The following RMDN2 variants were observed in gnomAD, a reference collection of about 807,000 sequenced individuals.
RMDN2 encodes regulator of microtubule dynamics protein 2.
Under a neutral mutation model 52.8 loss-of-function variants are expected in RMDN2, and 61 were observed. The ratio of observed to expected loss-of-function variants is 1.16; its 90% CI spans 0.94 to 1.43. The LOEUF (loss-of-function observed/expected upper bound fraction) is 1.43. Ranked by LOEUF, RMDN2 falls within the 40% of genes most tolerant of loss-of-function variation. RMDN2 has a pLI of 0.00. For synonymous variants in RMDN2, 180 were observed against 153.1 expected (o/e 1.18, Z -1.30); for missense variants, 592 against 475.3 (o/e 1.25, Z -2.28).
chr2:38,029,954 G>A (rs936456526), intron 10 of RMDN2: 10 of 152,270 alleles, frequency 6.6e-5, no homozygotes, highest in East Asian at 1.9e-4. Flanking sequence ...AGAGCCAAGC[G>A]AAAGGGGTTT....
At chr2:37,924,681 G>A (rs866692030), upstream of RMDN2, among the ~76,000 whole-genome samples, 2 of 152,190 alleles carry the variant, frequency 1.3e-5, no homozygotes, top group South Asian at 4.1e-4. Context: ...TTTTAAGAGC[G>A]TATTTAGCAG....
intron 5 of RMDN2, among the ~76,000 whole-genome samples, chr2:37,982,692 C>T (rs1327803715): frequency 6.6e-6 from 1 of 152,128 alleles, no homozygotes; most frequent in East Asian, 1.9e-4. Flanking sequence ...CTCGGTGCCT[C>T]TGCCAAAATT....
rs147468814 is a variant in RMDN2, at chr2:37,953,586, A to G, written c.453-20454A>G. On this transcript the variant is annotated intron_variant, in intron 2 of 10. Coordinates refer to ENST00000354545, the MANE Select transcript of RMDN2 (RefSeq NM_001170791.3). Reference sequence around the variant, plus strand: ...ATATATCACATTTTGCATATCCTTTATCCACCAGTGGACAATTTGGGTCAC... The same window carrying G: ...ATATATCACATTTTGCATATCCTTTGTCCACCAGTGGACAATTTGGGTCAC... Among the ~76,000 whole-genome samples, 404 of 152,104 alleles carry G rather than the reference A, an allele frequency of 2.7e-3. 2 individuals are homozygous for G. Among genetic ancestry groups the G allele is most frequent in the Middle Eastern group, 0.01 (3 of 294 alleles).
intron 2 of RMDN2, among the ~76,000 whole-genome samples, chr2:37,957,905 C>G (rs1669687833): frequency 6.6e-6 from 1 of 152,130 alleles, no homozygotes; most frequent in African/African-American, 2.4e-5. Flanking sequence ...AATAGGGAAT[C>G]CTTTCCCCTT....
At position 38,017,141 on chromosome 2, in the gene RMDN2, G is replaced by A. The variant is rs773996495; in HGVS notation, c.1180-45G>A. Reference sequence around the variant, plus strand: ...CTGTTTCAGCATGCTAGAGTATCAAGATGAATGCATGAAATTTCATTATGT... The same window carrying A: ...CTGTTTCAGCATGCTAGAGTATCAAAATGAATGCATGAAATTTCATTATGT... On this transcript the variant is annotated intron_variant, in intron 10 of 10. Coordinates refer to ENST00000354545, the MANE Select transcript of RMDN2 (RefSeq NM_001170791.3). The A allele has an allele frequency of 2.4e-6, 3 of 1,250,288 alleles. No individual in the cohort carries two copies. The South Asian group carries it at 4.3e-5, about 18-fold the overall frequency. The allele number at this position is 1,250,288 out of a possible 1,614,324, so 77.4% of individuals were successfully genotyped here.
rs573252585 is a variant in RMDN2, at chr2:37,940,863, T to G, written c.452+11134T>G. 9.8e-5 allele frequency among the ~76,000 whole-genome samples: 15 copies of G among 152,342 alleles called. No homozygotes were observed. In the South Asian group the frequency reaches 3.1e-3, roughly 32 times the overall value. On this transcript the variant is annotated intron_variant, in intron 2 of 10. Coordinates refer to ENST00000354545, the MANE Select transcript of RMDN2 (RefSeq NM_001170791.3). ...GCTCCTTTAGCTCGAAGGAGTTTGT[T>G]ATTACCCACCTTCTGAAGCCTACTT...
intron 2 of RMDN2, among the ~76,000 whole-genome samples, chr2:37,955,766 G>A (rs1019362973): frequency 2.6e-5 from 4 of 152,120 alleles, no homozygotes; most frequent in African/African-American, 9.7e-5. Context: ...ATGTGGAACT[G>A]TAAGTCCAAT....
rs185528738 is a variant in RMDN2 at position 38,048,660 on chromosome 2, G to T, written c.1714-18322G>T. On this transcript the variant is annotated intron_variant, in intron 10 of 10. Coordinates refer to the RMDN2 transcript ENST00000234195. ...TCAACACATCTGGAAAATGACCTCC[G>T]ACAAACAACAGAACCACCAGGTAGT... Among the ~76,000 whole-genome samples the T allele has an allele frequency of 1.3e-4, 20 of 152,278 alleles. No individual in the cohort carries two copies. The East Asian group carries it at 3.7e-3, about 28-fold the overall frequency.
chr2:37,997,355 A>G, intron 7 of RMDN2, 61 bp from the exon 8 acceptor site: 1 of 987,760 alleles, frequency 1.0e-6, no homozygotes, highest in Non-Finnish European at 1.6e-6. Context: ...CTAACTGGGG[A>G]GAGATAATCC....
intron 6 of RMDN2, among the ~76,000 whole-genome samples, chr2:37,990,475 T>C (rs1475788009): frequency 8.2e-6 from 1 of 121,894 alleles, no homozygotes; most frequent in Admixed American, 1.1e-4. Context: ...GCCATGATCA[T>C]GCCACTGCAC....
At chr2:38,039,047 T>TACACACACACAC (rs71414270) in intron 10 of RMDN2, among the ~76,000 whole-genome samples, 20 of 127,386 alleles carry the variant, frequency 1.6e-4, no homozygotes, top group Non-Finnish European at 2.8e-4. Flanking sequence ...CCAGATGCTA[T>TACACACACACAC]ACACACACAC....
chr2:37,975,402 T>C, intron 4 of RMDN2, 88 bp downstream of exon 4: 3 of 748,216 alleles, frequency 4.0e-6, no homozygotes, highest in Non-Finnish European at 6.9e-6. Flanking sequence ...TTCATGTCCT[T>C]TGCAGGGACA....
intron 2 of RMDN2, among the ~76,000 whole-genome samples, chr2:37,964,263 C>T (rs1670739764): frequency 6.6e-6 from 1 of 152,248 alleles, no homozygotes; most frequent in East Asian, 1.9e-4. Flanking sequence ...ACGTGAGTTT[C>T]TTTGGTTGAG....
At chr2:37,968,550 C>T (rs1466354731) in intron 2 of RMDN2, among the ~76,000 whole-genome samples, 2 of 151,000 alleles carry the variant, frequency 1.3e-5, no homozygotes, top group Non-Finnish European at 2.9e-5. Context: ...TATGTAAATA[C>T]ACTCTTTTAT....
At chr2:37,960,963 C>A (rs1670146329) in intron 2 of RMDN2, among the ~76,000 whole-genome samples, 2 of 152,200 alleles carry the variant, frequency 1.3e-5, no homozygotes, top group African/African-American at 4.8e-5. Flanking sequence ...TAGTTTGGCT[C>A]AATATGAAAT....
At chr2:37,956,771 A>C (rs375475565) in intron 2 of RMDN2, among the ~76,000 whole-genome samples, 3 of 151,970 alleles carry the variant, frequency 2.0e-5, no homozygotes, top group African/African-American at 4.8e-5. Flanking sequence ...CCCGTCATCT[A>C]TGTTAGGTAT....
At position 37,992,657 on chromosome 2, in the gene RMDN2, A is replaced by G. The variant is rs756873817; in HGVS notation, c.945+1360A>G. Among the ~76,000 whole-genome samples the G allele has an allele frequency of 5.3e-5, 8 of 152,324 alleles. No homozygotes were observed. The South Asian group carries it at 1.0e-3, about 20-fold the overall frequency. ...TTTGCACTTAAAATAAGCTGCTTCT[A>G]CAAGTATTTGTTTCTTAAATGATTG... On this transcript the variant is annotated intron_variant, in intron 7 of 10. Coordinates refer to ENST00000354545, the MANE Select transcript of RMDN2 (RefSeq NM_001170791.3).
upstream of RMDN2, among the ~76,000 whole-genome samples, chr2:37,924,858 G>C (rs1319014786): frequency 6.6e-6 from 1 of 152,242 alleles, no homozygotes; most frequent in Non-Finnish European, 1.5e-5. Flanking sequence ...TATGAACACG[G>C]GGCTGCAGAT....
upstream of RMDN2, among the ~76,000 whole-genome samples, chr2:37,922,885 C>G (rs896455358): frequency 6.6e-6 from 1 of 152,150 alleles, no homozygotes; most frequent in African/African-American, 2.4e-5. Context: ...TGTGGAGAGA[C>G]GATCAGTAGC....
Sources: allele counts gnomAD v4.1 joint callset (sites outside exome capture counted in the v4.1 genomes callset), GRCh38; gene constraint gnomAD v4.1.1; transcripts MANE v1.5; gene names NCBI Gene and HGNC (gene_info 2026-07-23, HGNC 2026-07-21).